The following DDX49 variants were observed in gnomAD, a reference collection of about 807,000 sequenced individuals.
The protein encoded by DDX49 is DEAD-box helicase 49, also known as probable ATP-dependent RNA helicase DDX49.
DDX49 carries 50 observed loss-of-function variants against 56.3 expected under a neutral mutation model. That is an observed-to-expected ratio of 0.89 (90% CI 0.71 to 1.12). The LOEUF (loss-of-function observed/expected upper bound fraction) is 1.12, where lower values mean the gene tolerates loss of function less well. Ranked by LOEUF, DDX49 falls within the 50% of genes most tolerant of loss-of-function variation. The pLI is 0.00. For missense variants in DDX49, 614 were observed against 650.5 expected, an observed-to-expected ratio of 0.94 and a Z score of 0.61; for synonymous variants, 269 against 270.6, an observed-to-expected ratio of 0.99 and a Z score of 0.06.
At chr19:18,921,319 G>A (rs60762054) in intron 2 of DDX49, among the ~76,000 whole-genome samples, 1 of 152,176 alleles carries the variant, frequency 6.6e-6, no homozygotes, top group African/African-American at 2.4e-5. Context: ...AGAGTTGGTT[G>A]GGGGCAGAAA....
intron 2 of DDX49, 150 bp downstream of exon 2, chr19:18,920,853 A>T (rs2056909859): frequency 5.2e-6 from 4 of 765,878 alleles, no homozygotes; most frequent in Non-Finnish European, 7.9e-6. Context: ...AGAATTAAAC[A>T]AGATGGCCCC....
Position 18,919,736 on chromosome 19 carries a change from A to T in DDX49, c.-6A>T. 1 of 1,607,926 alleles carries T rather than the reference A, an allele frequency of 6.2e-7. No homozygotes were observed. On this transcript the variant is annotated 5_prime_UTR_variant, in exon 1 of 13. Transcript: ENST00000247003. ...CTACAAGGGGCCCCTACAAGCGGCCACAAGGATGGCAGGCTTCGCGGAGCT... is the reference window on the plus strand; with the variant it reads ...CTACAAGGGGCCCCTACAAGCGGCCTCAAGGATGGCAGGCTTCGCGGAGCT...
intron 5 of DDX49, 23 bp downstream of exon 5, chr19:18,922,536 G>T (rs201989550): frequency 1.3e-6 from 2 of 1,597,840 alleles, no homozygotes; most frequent in Non-Finnish European, 1.7e-6. Context: ...CCCAGACAGC[G>T]TGGGGAGGGC....
Position 18,919,799 on chromosome 19 carries a change from C to A in DDX49, c.58C>A (p.Leu20Met), listed in dbSNP as rs1203816820. 1 of 1,612,850 alleles carries A rather than the reference C, an allele frequency of 6.2e-7. No individual in the cohort carries two copies. ...SSWLVEQCRQ[L>M]GLKQPTPVQL... ...GTGGCTCGTGGAACAATGTCGGCAG[C>A]TGGGTTTGAAGCAGCCCACGCCCGT... Residue 20 changes from leucine (L) to methionine (M), a missense_variant, in exon 1 of 13, where the codon CTG (leucine) becomes ATG (methionine). Coordinates refer to ENST00000247003, the MANE Select transcript of DDX49 (RefSeq NM_019070.5).
At chr19:18,921,989 C>A in intron 4 of DDX49, 25 bp downstream of exon 4, 1 of 1,588,612 alleles carries the variant, frequency 6.3e-7, no homozygotes, top group East Asian at 2.3e-5. Flanking sequence ...CCCCTGCAGA[C>A]CTCAGGAGCT....
Position 18,922,396 on chromosome 19 carries a change from T to TG in DDX49, c.520dup (p.Ala174GlyfsTer55). ...TTCACCGTGGACCTGGAGGCCATCC[T>TG]GGCGGCTGTGCCGGCCCGCAGGCAG... On this transcript the variant is annotated frameshift_variant, in exon 5 of 13. Coordinates refer to ENST00000247003, the MANE Select transcript of DDX49 (RefSeq NM_019070.5). LOFTEE classifies it high-confidence loss of function. 1 of 1,611,260 alleles carries TG rather than the reference T, an allele frequency of 6.2e-7. No homozygotes were observed. The highest frequency in any genetic ancestry group is 2.2e-5 in the East Asian group (1 of 44,828).
intron 7 of DDX49, 148 bp from the exon 8 acceptor site, chr19:18,924,475 C>T: frequency 9.4e-7 from 1 of 1,063,238 alleles, no homozygotes; most frequent in East Asian, 2.5e-5. Flanking sequence ...TCTCTTTTAG[C>T]CGTCATTCAT....
Position 18,921,671 on chromosome 19 carries a change from C to A in DDX49, c.248C>A (p.Ala83Asp), listed in dbSNP as rs2056918153. ...CCCCTTCACACCCACAGGGAGCTGG[C>A]CTACCAGATCGCAGAGCAGTTCCGG... is the stretch of plus-strand genomic sequence containing the variant. ...CLVLTPTREL[A>D]YQIAEQFRVL... Residue 83 changes from alanine to aspartate, a missense_variant, in exon 3 of 13, where the codon GCC becomes GAC. Transcript: ENST00000247003. The A allele has an allele frequency of 1.7e-5, 28 of 1,614,102 alleles. No homozygotes were observed. Among genetic ancestry groups the A allele is most frequent in the Non-Finnish European group, 2.4e-5 (28 of 1,180,020 alleles).
chr19:18,921,785 G>A, intron 3 of DDX49, 37 bp downstream of exon 3: 1 of 1,614,104 alleles, frequency 6.2e-7, no homozygotes, highest in Non-Finnish European at 8.5e-7. Flanking sequence ...CCCCAGCATG[G>A]GACCCTAGCA....
chr19:18,921,657 C>T lies in DDX49; in HGVS notation c.240-6C>T. The T allele has an allele frequency of 6.2e-7, 1 of 1,613,994 alleles. No homozygotes were observed. Among genetic ancestry groups the T allele is most frequent in the Non-Finnish European group, 8.5e-7 (1 of 1,179,982 alleles). On this transcript the variant is annotated splice_polypyrimidine_tract_variant and splice_region_variant and intron_variant, in intron 2 of 12. Transcript: ENST00000247003. ...CTGACCCAGCCTGGCCCCTTCACACCCACAGGGAGCTGGCCTACCAGATCG... is the reference window on the plus strand; with the variant it reads ...CTGACCCAGCCTGGCCCCTTCACACTCACAGGGAGCTGGCCTACCAGATCG...
chr19:18,928,108 C>T lies in DDX49; in HGVS notation c.1264-20C>T, dbSNP rs907675985. 1 of 1,611,586 alleles carries T rather than the reference C, an allele frequency of 6.2e-7. No homozygotes were observed. Among genetic ancestry groups the T allele is most frequent in the Non-Finnish European group, 8.5e-7 (1 of 1,179,064 alleles). The stretch of plus-strand genomic sequence containing the variant: ...GCGGGGGCCGCCAGCTCAGCCATCC[C>T]CTGGTCCTCCCTGTGCCAGGACCCT... On this transcript the variant is annotated intron_variant, in intron 12 of 12. Transcript: ENST00000247003.
chr19:18,928,033 G>C lies in DDX49; in HGVS notation c.1260G>C (p.Gly420=), dbSNP rs45538835. 7.3e-3 allele frequency: 11,743 copies of C among 1,613,824 alleles called. 71 individuals carry two copies. The highest frequency in any genetic ancestry group is 0.015 in the Middle Eastern group (89 of 6,062). ...INKRKQLILE[G]KDPDLEAKRK... is the part of the protein sequence containing the mutation. Reference sequence around the variant, plus strand: ...AACGGAAGCAGCTGATCCTGGAGGGGAAGGTGAGGGCCGAGCCCGCAGGTA... The same window carrying C: ...AACGGAAGCAGCTGATCCTGGAGGGCAAGGTGAGGGCCGAGCCCGCAGGTA... The change falls in exon 12 of 13, where the codon GGG becomes GGC. Residue 420 remains glycine, a synonymous_variant. Coordinates refer to ENST00000247003, the MANE Select transcript of DDX49 (RefSeq NM_019070.5).
Position 18,926,335 on chromosome 19 carries a change from C to A in DDX49, c.1060C>A (p.Gln354Lys), listed in dbSNP as rs867780648. Residue 354 changes from glutamine to lysine, a missense_variant, in exon 10 of 13, where the codon CAG (glutamine) becomes AAG (lysine). Transcript: ENST00000247003. ...GGGTCAGGCCATCACGCTGGTGACACAGTACGACATCCACCTGGTGCACGC... is the reference window on the plus strand; with the variant it reads ...GGGTCAGGCCATCACGCTGGTGACAAAGTACGACATCCACCTGGTGCACGC... ...RQGQAITLVTQYDIHLVHAIE... is the reference protein window; with the variant it reads ...RQGQAITLVTKYDIHLVHAIE... 3 of 1,566,202 alleles carry A rather than the reference C, an allele frequency of 1.9e-6. No homozygotes were observed. Among genetic ancestry groups the A allele is most frequent in the Non-Finnish European group, 2.6e-6 (3 of 1,157,676 alleles).
rs2056960312 is a variant in DDX49, at chr19:18,926,320, A to C, written c.1045A>C (p.Ile349Leu). Reference sequence around the variant, plus strand: ...CCCCACAGGGCGGCAGGGTCAGGCCATCACGCTGGTGACACAGTACGACAT... The same window carrying C: ...CCCCACAGGGCGGCAGGGTCAGGCCCTCACGCTGGTGACACAGTACGACAT... The part of the protein sequence containing the change: ...TARAGRQGQA[I>L]TLVTQYDIHL... Residue 349 changes from isoleucine (I) to leucine (L), a missense_variant, in exon 10 of 13, where the codon ATC (isoleucine) becomes CTC (leucine). Physicochemically the swap from Ile to Leu is conservative, Grantham distance 5. Transcript: ENST00000247003. 6.4e-7 allele frequency: 1 copy of C among 1,573,428 alleles called. No homozygotes were observed. The highest frequency in any genetic ancestry group is 8.6e-7 in the Non-Finnish European group (1 of 1,159,576).
At chr19:18,922,107 G>A in intron 4 of DDX49, 143 bp downstream of exon 4, 1 of 1,294,336 alleles carries the variant, frequency 7.7e-7, no homozygotes, top group South Asian at 1.5e-5. Flanking sequence ...ACAGTGACAA[G>A]GACCGTTCAA....
intron 4 of DDX49, 104 bp downstream of exon 4, chr19:18,922,068 C>T: frequency 4.1e-6 from 6 of 1,447,244 alleles, no homozygotes; most frequent in Non-Finnish European, 5.5e-6. Flanking sequence ...AAACGTATGT[C>T]CGTTAGACTG....
rs148582154 is a variant in DDX49, at chr19:18,927,038, G to A, written c.1102+661G>A. ...CAGTGAGCCAAGGTCGCGCCATTAC[G>A]CTCCAGCCTGGGTGACAGTGAGACT... On this transcript the variant is annotated intron_variant, in intron 10 of 12. Coordinates refer to ENST00000247003, the MANE Select transcript of DDX49 (RefSeq NM_019070.5). 5.9e-3 allele frequency among the ~76,000 whole-genome samples: 808 copies of A among 136,590 alleles called. 8 individuals are homozygous for A. Among genetic ancestry groups the A allele is most frequent in the African/African-American group, 0.021 (747 of 35,906 alleles). 89.6% of individuals were successfully genotyped at this position (136,590 alleles called of 152,430 possible). A position where few individuals can be genotyped will look rare whatever the true frequency, so the allele number is the denominator to read the frequency against.
chr19:18,921,788 C>T, intron 3 of DDX49, 40 bp downstream of exon 3: 1 of 1,614,060 alleles, frequency 6.2e-7, no homozygotes, highest in African/African-American at 1.3e-5. Flanking sequence ...CAGCATGGGA[C>T]CCTAGCAGCT....
At chr19:18,927,385 G>A (rs957971190) in intron 10 of DDX49, among the ~76,000 whole-genome samples, 4 of 152,034 alleles carry the variant, frequency 2.6e-5, no homozygotes, top group Non-Finnish European at 5.9e-5. Flanking sequence ...CAAAAAAAAA[G>A]AAAGAAATAT....
Sources: gnomAD v4.1 joint callset for allele counts (sites outside exome capture counted in the v4.1 genomes callset) on GRCh38, gnomAD v4.1.1 for gene constraint, MANE v1.5 for transcripts, NCBI Gene and HGNC (gene_info 2026-07-23, HGNC 2026-07-21) for gene names.